COG6: variants seen among roughly 807,000 people sequenced by gnomAD.
COG6 encodes conserved oligomeric Golgi complex subunit 6.
In COG6, 74 loss-of-function variants were observed where a neutral mutation model predicts 88.8. The observed-to-expected ratio is 0.83, with a 90% CI of 0.69 to 1.01. The LOEUF (loss-of-function observed/expected upper bound fraction) is 1.01, where lower values mean the gene tolerates loss of function less well. Among genes scored for constraint, COG6 ranks in the 50% least tolerant of loss-of-function variants. The probability of loss-of-function intolerance (pLI) is 0.00; values close to 1 mark genes in which losing one functional copy is unlikely to be tolerated. For missense variants in COG6, 800 were observed against 797.9 expected (o/e 1.00, Z -0.03); for synonymous variants, 286 against 278.7 (o/e 1.03, Z -0.26).
At chr13:39,703,598 T>C (rs1566186919) in intron 13 of COG6, among the ~76,000 whole-genome samples, 1 of 152,136 alleles carries the variant, frequency 6.6e-6, no homozygotes, top group East Asian at 1.9e-4. Flanking sequence ...ATAGTTTTTT[T>C]CCCTTGGGAG....
chr13:39,686,462 C>T (rs937380624), intron 8 of COG6, among the ~76,000 whole-genome samples: 58 of 152,258 alleles, frequency 3.8e-4, no homozygotes, highest in African/African-American at 1.4e-3. Context: ...CCTTCCCTAC[C>T]AGTTCCTTCA....
chr13:39,730,263 A>G (rs1164758525), intron 18 of COG6, among the ~76,000 whole-genome samples: 2 of 152,170 alleles, frequency 1.3e-5, no homozygotes, highest in African/African-American at 4.8e-5. Context: ...TATTAATACT[A>G]CAAACAAGAG....
At chr13:39,729,946 T>C (rs1879345443) in intron 18 of COG6, among the ~76,000 whole-genome samples, 1 of 152,202 alleles carries the variant, frequency 6.6e-6, no homozygotes, top group Admixed American at 6.5e-5. Context: ...ATTCGAGTCG[T>C]TTGCCTCAGA....
At chr13:39,739,528 TAAAAAATCATTTA>T (rs1326254378) in intron 18 of COG6, among the ~76,000 whole-genome samples, 1 of 151,942 alleles carries the variant, frequency 6.6e-6, no homozygotes, top group Non-Finnish European at 1.5e-5. Flanking sequence ...CTGAAAGATA[TAAAAAATCATTTA>T]AAAAAATCAA....
intron 1 of COG6, 110 bp downstream of exon 1, chr13:39,655,989 G>A (rs1328944214): frequency 1.4e-5 from 19 of 1,356,800 alleles, no homozygotes; most frequent in Non-Finnish European, 1.7e-5. Context: ...GGCAGCAGAG[G>A]GACCGCGAGT....
intron 18 of COG6, among the ~76,000 whole-genome samples, chr13:39,742,838 G>A (rs543937426): frequency 1.3e-5 from 2 of 152,054 alleles, no homozygotes; most frequent in Non-Finnish European, 2.9e-5. Context: ...TTCCAAAATT[G>A]ACCACATAGT....
At chr13:39,787,797 A>T (rs1214606971) in intron 18 of COG6, among the ~76,000 whole-genome samples, 1 of 152,210 alleles carries the variant, frequency 6.6e-6, no homozygotes, top group Non-Finnish European at 1.5e-5. Flanking sequence ...TGTATTAGGT[A>T]TTGTAAGTAA....
In COG6 at chr13:39,655,735, G is replaced by T. The variant is rs1016478271; in HGVS notation, c.9G>T (p.Glu3Asp). MA[E>D]GSGEVVAVSA... is the part of the protein sequence containing the mutation. ...GCGGGACGCGCAGCGCTATGGCAGA[G>T]GGCAGCGGGGAAGTGGTCGCAGTGT... The change falls in exon 1 of 19, where the codon GAG (glutamate) becomes GAT (aspartate). Residue 3 changes from glutamate (E) to aspartate (D), a missense_variant. Physicochemically the swap from Glu to Asp is conservative, Grantham distance 45 (BLOSUM62 2). Transcript: ENST00000455146. The T allele has an allele frequency of 2.5e-6, 4 of 1,595,330 alleles. No individual in the cohort carries two copies. In the African/African-American group the frequency reaches 4.0e-5, roughly 16 times the overall value.
downstream of COG6, among the ~76,000 whole-genome samples, chr13:39,757,028 GAATACACATTCCTCTCA>G (rs1363801258): frequency 6.6e-6 from 1 of 152,100 alleles, no homozygotes; most frequent in African/African-American, 2.4e-5. Context: ...AACAACAACA[GAATACACATTCCTCTCA>G]AATACACAGG....
At chr13:39,660,951 G>A (rs918177664) in intron 3 of COG6, 70 bp downstream of exon 3, 4 of 898,024 alleles carry the variant, frequency 4.5e-6, no homozygotes, top group African/African-American at 3.3e-5. Context: ...TTGACAAAAT[G>A]TGTAGATATC....
In COG6 at chr13:39,699,481, G is replaced by A. The variant is rs1463708785; in HGVS notation, c.1167-20G>A. The A allele has an allele frequency of 1.7e-6, 2 of 1,211,844 alleles. No individual in the cohort carries two copies. Among genetic ancestry groups the A allele is most frequent in the Non-Finnish European group, 1.2e-6 (1 of 814,228 alleles). The allele number at this position is 1,211,844 out of a possible 1,614,324, so 75.1% of individuals were successfully genotyped here. A position where few individuals can be genotyped will look rare whatever the true frequency, so the allele number is the denominator to read the frequency against. On this transcript the variant is annotated intron_variant, in intron 12 of 18. Coordinates refer to ENST00000455146, the MANE Select transcript of COG6 (RefSeq NM_020751.3). ...TGTTTCAGTTTCTGTTTTGCAACCT[G>A]AAATATTCTTTGCTTTTAGTGGTAT...
At chr13:39,744,899 CAG>C (rs1389989140) in intron 18 of COG6, among the ~76,000 whole-genome samples, 2 of 152,138 alleles carry the variant, frequency 1.3e-5, no homozygotes, top group African/African-American at 2.4e-5. Context: ...GGTATCAAAA[CAG>C]AGATATAGAC....
intron 18 of COG6, among the ~76,000 whole-genome samples, chr13:39,772,395 G>A (rs1333594883): frequency 6.6e-6 from 1 of 152,214 alleles, no homozygotes; most frequent in Admixed American, 6.5e-5. Context: ...TCAGCACTAA[G>A]CATTCTATTT....
At chr13:39,740,562 C>T (rs1323540530) in intron 18 of COG6, among the ~76,000 whole-genome samples, 1 of 152,188 alleles carries the variant, frequency 6.6e-6, no homozygotes, top group Non-Finnish European at 1.5e-5. Flanking sequence ...CTCTTCAACA[C>T]TAGACTATAC....
chr13:39,723,167 A>G (rs996207844), intron 15 of COG6, among the ~76,000 whole-genome samples, 166 bp from the exon 16 acceptor site: 5 of 152,060 alleles, frequency 3.3e-5, no homozygotes, highest in African/African-American at 1.2e-4. Context: ...TTTTAAAGTA[A>G]GACTTTTTCC....
chr13:39,733,316 G>T (rs1050268646), intron 18 of COG6, among the ~76,000 whole-genome samples: 1 of 150,898 alleles, frequency 6.6e-6, no homozygotes, highest in African/African-American at 2.4e-5. Context: ...TCGGCCTCCT[G>T]AGTAGGTGGG....
intron 18 of COG6, among the ~76,000 whole-genome samples, chr13:39,758,253 G>C (rs1880907595): frequency 6.6e-6 from 1 of 150,462 alleles, no homozygotes. Flanking sequence ...TGACGAGCTG[G>C]ACGCGGTGGC....
rs9548886 is a variant in COG6, at chr13:39,694,793, A to G, written c.1166+68A>G. ...ATTTCTTTCAGTTAGAGCACAGTAT[A>G]AGATTTTTTTTTATATTGTGTATAG... On this transcript the variant is annotated intron_variant, in intron 12 of 18. Transcript: ENST00000455146. 214,015 of 863,502 alleles carry G rather than the reference A, an allele frequency of 0.25. 28,088 individuals carry two copies. The highest frequency in any genetic ancestry group is 0.27 in the Non-Finnish European group (142,373 of 526,288). The allele number at this position is 863,502 out of a possible 1,614,324, so 53.5% of individuals were successfully genotyped here.
At chr13:39,757,672 G>A (rs759244788) in intron 18 of COG6, among the ~76,000 whole-genome samples, 1 of 151,674 alleles carries the variant, frequency 6.6e-6, no homozygotes, top group Non-Finnish European at 1.5e-5. Flanking sequence ...ATGCAAACCA[G>A]TGGAAGTGGA....
Sources: gnomAD v4.1 joint callset for allele counts (sites outside exome capture counted in the v4.1 genomes callset) on GRCh38, gnomAD v4.1.1 for gene constraint, MANE v1.5 for transcripts, NCBI Gene and HGNC (gene_info 2026-07-23, HGNC 2026-07-21) for gene names.